Variants in CLEC16A observed in about 807,000 individuals in gnomAD.
The protein encoded by CLEC16A is protein CLEC16A.
In CLEC16A, 51 loss-of-function variants were observed where a neutral mutation model predicts 109.5. That is an observed-to-expected ratio of 0.47 (90% CI 0.37 to 0.59). The LOEUF is 0.59. Ranked by LOEUF, CLEC16A falls within the 20% of genes least tolerant of loss-of-function variation. CLEC16A has a pLI of 0.00. For synonymous variants in CLEC16A, 673 were observed against 564.2 expected, an observed-to-expected ratio of 1.19 and a Z score of -2.73; for missense variants, 1,339 against 1,394.0, an observed-to-expected ratio of 0.96 and a Z score of 0.63.
chr16:11,004,374 G>C (rs1281964990), intron 11 of CLEC16A, among the ~76,000 whole-genome samples: 2 of 152,124 alleles, frequency 1.3e-5, no homozygotes, highest in African/African-American at 4.8e-5. Context: ...AGTGGAGCTG[G>C]GGCTCTTCTC....
At chr16:11,064,735 C>T (rs1303679356) in intron 19 of CLEC16A, among the ~76,000 whole-genome samples, 1 of 152,152 alleles carries the variant, frequency 6.6e-6, no homozygotes, top group Non-Finnish European at 1.5e-5. Flanking sequence ...CCTGATCATG[C>T]CACTGCACTC....
intron 10 of CLEC16A, among the ~76,000 whole-genome samples, chr16:10,984,676 C>G (rs948107703): frequency 6.6e-6 from 1 of 152,226 alleles, no homozygotes; most frequent in Non-Finnish European, 1.5e-5. Context: ...GGCAAATGTA[C>G]AGCTGACTCA....
In CLEC16A at chr16:11,166,552, G is replaced by A. The variant is rs757583881; in HGVS notation, c.2806G>A (p.Asp936Asn). The change falls in exon 23 of 24, where the codon GAT (aspartate) becomes AAT (asparagine). Residue 936 changes from aspartate (D) to asparagine (N), a missense_variant and splice_region_variant. Physicochemically the swap from Asp to Asn is conservative, Grantham distance 23. Coordinates refer to ENST00000409790, the MANE Select transcript of CLEC16A (RefSeq NM_015226.3). Reference sequence around the variant, plus strand: ...CCCCTCCACAGCCCAGAGTCCAGCAGGTATTGGCCACGTGACTCAGTGATA... The same window carrying A: ...CCCCTCCACAGCCCAGAGTCCAGCAAGTATTGGCCACGTGACTCAGTGATA... ...STPSTAQSPA[D>N]APMSPELPKP... is the part of the protein sequence containing the mutation. 7 of 1,588,106 alleles carry A rather than the reference G, an allele frequency of 4.4e-6. No homozygotes were observed. The highest frequency in any genetic ancestry group is 6.0e-6 in the Non-Finnish European group (7 of 1,167,728).
In CLEC16A at chr16:11,163,078, A is replaced by G. The variant is rs148982078; in HGVS notation, c.2642-3310A>G. Among the ~76,000 whole-genome samples the G allele has an allele frequency of 4.6e-5, 7 of 152,264 alleles. No individual in the cohort carries two copies. The East Asian group carries it at 9.7e-4, about 21-fold the overall frequency. ...GTGTTTGCACCTACTTCGCAGCCCA[A>G]GTGTGTTTGATTCATACACCAAAAG... On this transcript the variant is annotated intron_variant, in intron 22 of 23. Transcript: ENST00000409790.
chr16:11,100,216 C>G (rs975326259), intron 19 of CLEC16A, among the ~76,000 whole-genome samples: 1 of 152,106 alleles, frequency 6.6e-6, no homozygotes, highest in South Asian at 2.1e-4. Flanking sequence ...GGTAAGACTG[C>G]GGGGGACTCA....
chr16:10,964,808 A>C (rs767923132), intron 3 of CLEC16A, among the ~76,000 whole-genome samples: 34 of 152,234 alleles, frequency 2.2e-4, no homozygotes, highest in Non-Finnish European at 4.8e-4. Context: ...AAATGTGTAC[A>C]TTGTGAAATA....
At chr16:10,999,407 A>G (rs1229057928) in intron 10 of CLEC16A, among the ~76,000 whole-genome samples, 5 of 152,166 alleles carry the variant, frequency 3.3e-5, no homozygotes, top group African/African-American at 1.2e-4. Flanking sequence ...TCGCATTTAC[A>G]CCATCACGTA....
chr16:11,167,945 A>AGGG (rs1749158959), intron 23 of CLEC16A, among the ~76,000 whole-genome samples: 1 of 152,176 alleles, frequency 6.6e-6, no homozygotes. Flanking sequence ...GCGGGCATGC[A>AGGG]GGGTTGTGTG....
At chr16:11,013,138 T>C (rs1478146494) in intron 11 of CLEC16A, among the ~76,000 whole-genome samples, 21 of 152,204 alleles carry the variant, frequency 1.4e-4, no homozygotes. Flanking sequence ...GGCGAGAACA[T>C]GCAGACTCCA....
intron 23 of CLEC16A, among the ~76,000 whole-genome samples, chr16:11,166,868 G>T (rs2068288214): frequency 6.6e-6 from 1 of 152,188 alleles, no homozygotes; most frequent in South Asian, 2.1e-4. Flanking sequence ...ACAGTCTTAG[G>T]TGTCACAAGG....
chr16:11,043,823 C>G (rs547232711), intron 15 of CLEC16A, among the ~76,000 whole-genome samples: 3 of 151,632 alleles, frequency 2.0e-5, no homozygotes, highest in Non-Finnish European at 4.4e-5. Context: ...CAAGATCACA[C>G]CACTGCACTC....
At position 10,977,304 on chromosome 16, in the gene CLEC16A, A is replaced by G; in HGVS notation, c.808A>G (p.Ile270Val). Reference sequence around the variant, plus strand: ...GCACTATCTCAATGACATCCTGATCATCAACTGTGAGTTCCTCAACGATGT... The same window carrying G: ...GCACTATCTCAATGACATCCTGATCGTCAACTGTGAGTTCCTCAACGATGT... ...HLHYLNDILI[I>V]NCEFLNDVLT... The change falls in exon 8 of 24, where the codon ATC (isoleucine) becomes GTC (valine). Residue 270 changes from isoleucine to valine, a missense_variant. Coordinates refer to ENST00000409790, the MANE Select transcript of CLEC16A (RefSeq NM_015226.3). 3.7e-6 allele frequency: 6 copies of G among 1,613,982 alleles called. No individual in the cohort carries two copies. The highest frequency in any genetic ancestry group is 5.1e-6 in the Non-Finnish European group (6 of 1,179,866).
intron 9 of CLEC16A, among the ~76,000 whole-genome samples, chr16:10,980,946 A>G (rs2146664873): frequency 6.6e-6 from 1 of 152,350 alleles, no homozygotes; most frequent in African/African-American, 2.4e-5. Flanking sequence ...GATGACGTTA[A>G]TTTGGTGTGA....
intron 22 of CLEC16A, among the ~76,000 whole-genome samples, chr16:11,148,447 A>G (rs925232530): frequency 6.6e-6 from 1 of 152,174 alleles, no homozygotes; most frequent in Non-Finnish European, 1.5e-5. Context: ...CAATTACTGC[A>G]TATCAGACAC....
chr16:11,058,055 AT>A (rs1171662112), intron 18 of CLEC16A, among the ~76,000 whole-genome samples: 3 of 152,138 alleles, frequency 2.0e-5, no homozygotes, highest in Non-Finnish European at 4.4e-5. Flanking sequence ...TCTTTTGTGA[AT>A]TTACAGAGTT....
intron 21 of CLEC16A, among the ~76,000 whole-genome samples, chr16:11,124,982 G>A (rs1014022075): frequency 2.0e-5 from 3 of 152,104 alleles, no homozygotes; most frequent in East Asian, 3.9e-4. Flanking sequence ...CCAGCTATTC[G>A]GGAGGCTGAG....
At chr16:11,134,660 C>A (rs1444848498) in intron 22 of CLEC16A, among the ~76,000 whole-genome samples, 1 of 152,210 alleles carries the variant, frequency 6.6e-6, no homozygotes, top group Non-Finnish European at 1.5e-5. Context: ...ATCTAAAAAT[C>A]CGAAATCTGA....
intron 19 of CLEC16A, among the ~76,000 whole-genome samples, chr16:11,067,077 C>G (rs939727002): frequency 5.3e-5 from 8 of 149,738 alleles, no homozygotes; most frequent in African/African-American, 1.7e-4. Flanking sequence ...CGAGGGTAGT[C>G]TTTCCAAGAA....
chr16:10,969,449 C>A, intron 4 of CLEC16A, 140 bp downstream of exon 4: 1 of 581,210 alleles, frequency 1.7e-6, no homozygotes, highest in Non-Finnish European at 2.8e-6. Context: ...ATTTTCATGG[C>A]AACACTTTTG....
Sources: gnomAD v4.1 joint callset for allele counts (sites outside exome capture counted in the v4.1 genomes callset) on GRCh38, gnomAD v4.1.1 for gene constraint, MANE v1.5 for transcripts, NCBI Gene and HGNC (gene_info 2026-07-23, HGNC 2026-07-21) for gene names.